HSPA9: variants seen among roughly 807,000 people sequenced by gnomAD.
HSPA9 encodes the protein stress-70 protein, mitochondrial.
HSPA9 carries 28 observed loss-of-function variants against 81.5 expected under a neutral mutation model. The observed-to-expected ratio is 0.34, with a 90% CI of 0.25 to 0.47. The LOEUF (loss-of-function observed/expected upper bound fraction) is 0.47, where lower values mean the gene tolerates loss of function less well. Ranked by LOEUF, HSPA9 falls within the 20% of genes least tolerant of loss-of-function variation. HSPA9 has a pLI of 1.00. For missense variants in HSPA9, 678 were observed against 838.0 expected, an observed-to-expected ratio of 0.81 and a Z score of 2.36; for synonymous variants, 293 against 290.4, an observed-to-expected ratio of 1.01 and a Z score of -0.09.
intron 10 of HSPA9, chr5:138,561,167 CCGGGGG>C (rs1750651134): frequency 2.3e-6 from 1 of 431,740 alleles, no homozygotes; most frequent in Non-Finnish European, 4.9e-6. Context: ...AAGATGGTGG[CCGGGGG>C]CGGGGTATTA....
At chr5:138,573,115 G>A (rs1750945220) in intron 3 of HSPA9, among the ~76,000 whole-genome samples, 1 of 152,030 alleles carries the variant, frequency 6.6e-6, no homozygotes, top group South Asian at 2.1e-4. Context: ...GAATGGTCTC[G>A]ATCTCTTGAC....
In HSPA9 at chr5:138,561,560, A is replaced by G. The variant is rs1192932959; in HGVS notation, c.1182+20T>C. 6.2e-7 allele frequency: 1 copy of G among 1,602,150 alleles called. No homozygotes were observed. Among genetic ancestry groups the G allele is most frequent in the African/African-American group, 1.3e-5 (1 of 74,644 alleles). On this transcript the variant is annotated intron_variant, in intron 10 of 16. Transcript: ENST00000297185. ...TGCGCCAGCCCTCTCTCTCCACGACAGAATTCCACTGGTCCATACCTTGGG... is the reference window on the plus strand; with the variant it reads ...TGCGCCAGCCCTCTCTCTCCACGACGGAATTCCACTGGTCCATACCTTGGG...
chr5:138,556,288 T>C (rs1032001048), intron 16 of HSPA9, among the ~76,000 whole-genome samples, 164 bp downstream of exon 16: 1 of 152,174 alleles, frequency 6.6e-6, no homozygotes, highest in Admixed American at 6.5e-5. Context: ...CCTTTGACAC[T>C]AACTCCAATG....
At chr5:138,574,856 G>A (rs559076064) in intron 1 of HSPA9, 8 of 225,170 alleles carry the variant, frequency 3.6e-5, no homozygotes, top group Admixed American at 5.3e-5. Flanking sequence ...CGTATCAACG[G>A]GATCCTTACA....
At chr5:138,574,403 C>T (rs147099133) in intron 1 of HSPA9, among the ~76,000 whole-genome samples, 3 of 152,270 alleles carry the variant, frequency 2.0e-5, no homozygotes, top group African/African-American at 7.2e-5. Context: ...CATCCCTGGC[C>T]TCGACACCCT....
chr5:138,564,070 A>G (rs1042409364), intron 9 of HSPA9, among the ~76,000 whole-genome samples: 1 of 151,894 alleles, frequency 6.6e-6, no homozygotes, highest in African/African-American at 2.4e-5. Context: ...CACCTCTCTC[A>G]GGTACCTTCT....
At chr5:138,575,184 C>A in intron 1 of HSPA9, 54 bp downstream of exon 1, 1 of 1,289,090 alleles carries the variant, frequency 7.8e-7, no homozygotes, top group Admixed American at 2.0e-5. Context: ...CAGCGAAGCC[C>A]GAGGCCCAAG....
intron 1 of HSPA9, among the ~76,000 whole-genome samples, chr5:138,574,342 GC>G (rs1751032600): frequency 2.0e-5 from 3 of 152,136 alleles, no homozygotes; most frequent in Admixed American, 2.0e-4. Flanking sequence ...TTAATTTTGG[GC>G]GAAATTTTTG....
chr5:138,560,995 A>G, intron 10 of HSPA9: 1 of 468,814 alleles, frequency 2.1e-6, no homozygotes, highest in Non-Finnish European at 4.4e-6. Context: ...CTTAGGTCCA[A>G]GATAATCCTA....
At position 138,554,853 on chromosome 5, in the gene HSPA9, C is replaced by G. The variant is rs1373758799; in HGVS notation, c.*1184G>C. The G allele has an allele frequency of 6.6e-6, 1 of 152,142 alleles. No individual in the cohort carries two copies. The highest frequency in any genetic ancestry group is 1.5e-5 in the Non-Finnish European group (1 of 68,018). The allele number at this position is 152,142 out of a possible 1,614,324, so 9.4% of individuals were successfully genotyped here. On this transcript the variant is annotated 3_prime_UTR_variant, in exon 17 of 17. Coordinates refer to ENST00000297185, the MANE Select transcript of HSPA9 (RefSeq NM_004134.7). ...ACTACATCAGAGAATTTGGGACAAG[C>G]CAGTACACTGAGGACAGAAAAGCAG...
In HSPA9 at chr5:138,555,252, CCT is replaced by C. The variant is rs995442520; in HGVS notation, c.*783_*784del. 1.3e-5 allele frequency: 2 copies of C among 151,980 alleles called. No individual in the cohort carries two copies. The highest frequency in any genetic ancestry group is 2.9e-5 in the Non-Finnish European group (2 of 68,008). The allele number at this position is 151,980 out of a possible 1,614,324, so 9.4% of individuals were successfully genotyped here. ...CCAGTGTTAGCAAATCCTGTATTTC[CCT>C]CTTTGGGAAATATGGGAAGCATGAG... On this transcript the variant is annotated 3_prime_UTR_variant, in exon 17 of 17. Transcript: ENST00000297185.
chr5:138,558,143 AG>A (rs1399937569), intron 12 of HSPA9, among the ~76,000 whole-genome samples, 157 bp from the exon 13 acceptor site: 5 of 152,232 alleles, frequency 3.3e-5, no homozygotes, highest in African/African-American at 1.2e-4. Flanking sequence ...CAACAGTAGT[AG>A]TTCGCTGCCT....
rs568783436 is a variant in HSPA9 at position 138,554,333 on chromosome 5, A to C, written c.*1704T>G. Among the ~76,000 whole-genome samples, 31 of 152,186 alleles carry C rather than the reference A, an allele frequency of 2.0e-4. No individual in the cohort carries two copies. The highest frequency in any genetic ancestry group is 4.4e-4 in the Non-Finnish European group (30 of 68,018). ...ACTTTGGAAATCCTGGAGGGCTTTT[A>C]AAGTTATCTTTAGGAGACAGTAGAG... On this transcript the variant is annotated 3_prime_UTR_variant, in exon 17 of 17. Coordinates refer to ENST00000297185, the MANE Select transcript of HSPA9 (RefSeq NM_004134.7).
At chr5:138,558,835 G>T in intron 11 of HSPA9, 178 bp from the exon 12 acceptor site, 2 of 588,586 alleles carry the variant, frequency 3.4e-6, no homozygotes, top group South Asian at 3.7e-5. Flanking sequence ...CAGCAAATGG[G>T]CATACAATAG....
At chr5:138,573,636 G>A (rs1321875526) in intron 3 of HSPA9, 127 bp downstream of exon 3, 6 of 527,400 alleles carry the variant, frequency 1.1e-5, no homozygotes, top group South Asian at 1.7e-5. Flanking sequence ...TATAGAGACT[G>A]TCTCCAAAAA....
At position 138,575,383 on chromosome 5, in the gene HSPA9, C is replaced by A. The variant is rs763924699; in HGVS notation, c.-65G>T. ...TCCGACGGCAAAGAGCTGCGCGATG[C>A]GGTGGCGGCAGCGCTTCTGGAAACC... On this transcript the variant is annotated 5_prime_UTR_variant, in exon 1 of 17. Coordinates refer to ENST00000297185, the MANE Select transcript of HSPA9 (RefSeq NM_004134.7). 22 of 1,382,478 alleles carry A rather than the reference C, an allele frequency of 1.6e-5. No individual in the cohort carries two copies. In the South Asian group the frequency reaches 2.1e-4, roughly 13 times the overall value. The allele number at this position is 1,382,478 out of a possible 1,614,324, so 85.6% of individuals were successfully genotyped here. A position where few individuals can be genotyped will look rare whatever the true frequency, so the allele number is the denominator to read the frequency against.
intron 4 of HSPA9, among the ~76,000 whole-genome samples, chr5:138,570,395 T>C (rs1033831150): frequency 6.6e-6 from 1 of 152,220 alleles, no homozygotes; most frequent in Non-Finnish European, 1.5e-5. Flanking sequence ...TTCTGCCTTA[T>C]GTATTCAACA....
chr5:138,575,141 G>C lies in HSPA9; in HGVS notation c.81+97C>G, dbSNP rs41294554. 8 of 808,212 alleles carry C rather than the reference G, an allele frequency of 9.9e-6. No homozygotes were observed. In the South Asian group the frequency reaches 1.1e-4, roughly 11 times the overall value. The allele number at this position is 808,212 out of a possible 1,614,324, so 50.1% of individuals were successfully genotyped here. The stretch of plus-strand genomic sequence containing the variant: ...TCCTTCCCGCCTGACCTATACTGGA[G>C]AATTCAAACCCTAAAGGGCGCGCGG... On this transcript the variant is annotated intron_variant, in intron 1 of 16. Transcript: ENST00000297185.
chr5:138,573,431 G>A (rs1046615633), intron 3 of HSPA9, among the ~76,000 whole-genome samples: 1 of 151,996 alleles, frequency 6.6e-6, no homozygotes, highest in Non-Finnish European at 1.5e-5. Context: ...AGGCCAACGT[G>A]GGCGGATCAC....
Sources: allele counts gnomAD v4.1 joint callset (sites outside exome capture counted in the v4.1 genomes callset), GRCh38; gene constraint gnomAD v4.1.1; transcripts MANE v1.5; gene names NCBI Gene and HGNC (gene_info 2026-07-23, HGNC 2026-07-21).